Variants in RTN4 observed in about 807,000 individuals in gnomAD.
The protein encoded by RTN4 is reticulon-4.
RTN4 carries 32 observed loss-of-function variants against 90.4 expected under a neutral mutation model. The ratio of observed to expected loss-of-function variants is 0.35; its 90% CI spans 0.27 to 0.48. RTN4 has a LOEUF of 0.48. Among genes scored for constraint, RTN4 ranks in the 20% least tolerant of loss-of-function variants. RTN4 has a pLI of 0.99. For synonymous variants in RTN4, 629 were observed against 552.5 expected, an observed-to-expected ratio of 1.14 and a Z score of -1.94; for missense variants, 1,706 against 1,430.2, an observed-to-expected ratio of 1.19 and a Z score of -3.11.
intron 1 of RTN4, among the ~76,000 whole-genome samples, chr2:55,041,598 TAAG>T (rs1363747533): frequency 1.3e-5 from 2 of 152,042 alleles, no homozygotes; most frequent in African/African-American, 4.8e-5. Flanking sequence ...TCAAAGTGGT[TAAG>T]AAGGATAATT....
intron 3 of RTN4, among the ~76,000 whole-genome samples, chr2:55,005,453 G>C (rs1680144068): frequency 6.6e-6 from 1 of 152,148 alleles, no homozygotes; most frequent in African/African-American, 2.4e-5. Flanking sequence ...CTGTAAGAAA[G>C]GAATACATAC....
At chr2:55,082,968 C>T (rs60989687) in intron 1 of RTN4, among the ~76,000 whole-genome samples, 14,103 of 152,080 alleles carry the variant, frequency 0.093, 821 homozygotes, top group South Asian at 0.19. Context: ...AAAGAAGTAG[C>T]ATTTCTGAGA....
At chr2:54,982,477 T>G in intron 5 of RTN4, 38 bp downstream of exon 5, 2 of 1,578,556 alleles carry the variant, frequency 1.3e-6, no homozygotes, top group Non-Finnish European at 1.7e-6. Flanking sequence ...GATACTAAAT[T>G]CTGGGTATAT....
chr2:55,109,673 G>T (rs1668000949), intron 1 of RTN4, among the ~76,000 whole-genome samples: 1 of 151,260 alleles, frequency 6.6e-6, no homozygotes, highest in Non-Finnish European at 1.5e-5. Context: ...GAGCAAGGGG[G>T]TGTTACTGTA....
At chr2:55,004,965 G>A (rs1680103280) in intron 3 of RTN4, among the ~76,000 whole-genome samples, 1 of 152,066 alleles carries the variant, frequency 6.6e-6, no homozygotes, top group Non-Finnish European at 1.5e-5. Context: ...CCTTTGATAA[G>A]GACTACTTCA....
In RTN4 at chr2:55,017,438, C is replaced by G. The variant is rs190992408; in HGVS notation, c.3013+7648G>C. Reference sequence around the variant, plus strand: ...TTTAAAGTGAGTGATCATGGTAATACTACTTGGTGAATCCTGGGTATTACA... The same window carrying G: ...TTTAAAGTGAGTGATCATGGTAATAGTACTTGGTGAATCCTGGGTATTACA... On this transcript the variant is annotated intron_variant, in intron 3 of 8. Transcript: ENST00000337526. 7.2e-4 allele frequency among the ~76,000 whole-genome samples: 109 copies of G among 152,270 alleles called. 1 individual carries two copies. The highest frequency in any genetic ancestry group is 2.5e-3 in the African/African-American group (103 of 41,568).
At chr2:55,046,151 C>T (rs2920898) in intron 1 of RTN4, among the ~76,000 whole-genome samples, 135,261 of 152,252 alleles carry the variant, frequency 0.89, 60,340 homozygotes, top group Middle Eastern at 0.97. Flanking sequence ...CTCTTCCAGG[C>T]AGGCTAGTCT....
At chr2:55,090,552 G>A (rs1404929857) in intron 1 of RTN4, among the ~76,000 whole-genome samples, 1 of 152,104 alleles carries the variant, frequency 6.6e-6, no homozygotes, top group Non-Finnish European at 1.5e-5. Flanking sequence ...TGAGAATGAA[G>A]TCTCCACCTC....
At chr2:55,008,195 G>A (rs1030476922) in intron 3 of RTN4, among the ~76,000 whole-genome samples, 1 of 145,732 alleles carries the variant, frequency 6.9e-6, no homozygotes, top group African/African-American at 2.6e-5. Flanking sequence ...AAAGAACACT[G>A]AAATCAGAGC....
chr2:55,086,529 G>C (rs908248364), intron 1 of RTN4, among the ~76,000 whole-genome samples: 1 of 151,466 alleles, frequency 6.6e-6, no homozygotes, highest in Non-Finnish European at 1.5e-5. Flanking sequence ...AATTAGCCAA[G>C]CATGGTGGTA....
chr2:54,976,286 A>G (rs760574199), intron 5 of RTN4, among the ~76,000 whole-genome samples: 4 of 152,236 alleles, frequency 2.6e-5, no homozygotes, highest in Non-Finnish European at 5.9e-5. Context: ...CCAAGACTTC[A>G]CACCTGAGCC....
chr2:55,022,739 T>C (rs912105001), intron 3 of RTN4, among the ~76,000 whole-genome samples: 1 of 152,092 alleles, frequency 6.6e-6, no homozygotes, highest in Non-Finnish European at 1.5e-5. Flanking sequence ...CAATGTTAGG[T>C]AGAAGTGCAA....
rs556445135 is a variant in RTN4, at chr2:54,972,398, A to G, written c.*758T>C. The G allele has an allele frequency of 6.7e-6, 1 of 149,812 alleles. No homozygotes were observed. Among genetic ancestry groups the G allele is most frequent in the East Asian group, 2.1e-4 (1 of 4,872 alleles). The allele number at this position is 149,812 out of a possible 1,614,324, so 9.3% of individuals were successfully genotyped here. A position where few individuals can be genotyped will look rare whatever the true frequency, so the allele number is the denominator to read the frequency against. On this transcript the variant is annotated 3_prime_UTR_variant, in exon 9 of 9. Coordinates refer to ENST00000337526, the MANE Select transcript of RTN4 (RefSeq NM_020532.5). ...TAGATTCTGTGACAAAATTAACTACAGTCAGTCTGTGCAATGAAATTGATG... is the reference window on the plus strand; with the variant it reads ...TAGATTCTGTGACAAAATTAACTACGGTCAGTCTGTGCAATGAAATTGATG...
intron 5 of RTN4, among the ~76,000 whole-genome samples, chr2:54,975,964 G>A (rs1373451922): frequency 6.6e-6 from 1 of 152,196 alleles, no homozygotes; most frequent in Non-Finnish European, 1.5e-5. Context: ...ACCCCTGGTA[G>A]AAAGGTTTGA....
At chr2:55,017,003 G>A (rs556477954) in intron 3 of RTN4, among the ~76,000 whole-genome samples, 1 of 152,252 alleles carries the variant, frequency 6.6e-6, no homozygotes, top group South Asian at 2.1e-4. Flanking sequence ...TGGGCCCACA[G>A]TAAGCACTAA....
chr2:55,107,726 A>C (rs1351815221), intron 1 of RTN4, among the ~76,000 whole-genome samples: 1 of 152,104 alleles, frequency 6.6e-6, no homozygotes, highest in Non-Finnish European at 1.5e-5. Context: ...ATCTATGAAC[A>C]TCAGGAATGT....
the RTN4 span, among the ~76,000 whole-genome samples, chr2:55,127,084 A>G: frequency 6.6e-6 from 1 of 152,208 alleles, no homozygotes; most frequent in African/African-American, 2.4e-5. Flanking sequence ...TGGGTGATGA[A>G]ATATTATGTA....
intron 1 of RTN4, among the ~76,000 whole-genome samples, chr2:55,085,743 C>T (rs1215456059): frequency 6.6e-6 from 1 of 152,182 alleles, no homozygotes; most frequent in Non-Finnish European, 1.5e-5. Context: ...CATCCTGAAA[C>T]ACAGGCTCAT....
In RTN4 at chr2:55,058,040, G is replaced by C. The variant is rs576183300; in HGVS notation, c.-63+22449C>G. On this transcript the variant is annotated intron_variant, in intron 2 of 3. Transcript: ENST00000427710. ...AGTGGGTTTTGATCACAAAGCTAAA[G>C]AGAACTAAAACTAGGATGGTGGGAC... Among the ~76,000 whole-genome samples the C allele has an allele frequency of 3.1e-4, 47 of 152,162 alleles. 1 individual carries two copies. In the South Asian group the frequency reaches 8.5e-3, roughly 28 times the overall value.
Sources: gnomAD v4.1 joint callset for allele counts (sites outside exome capture counted in the v4.1 genomes callset) on GRCh38, gnomAD v4.1.1 for gene constraint, MANE v1.5 for transcripts, NCBI Gene and HGNC (gene_info 2026-07-23, HGNC 2026-07-21) for gene names.